DMD: variants seen among roughly 807,000 people sequenced by gnomAD.
DMD encodes the protein mutant dystrophin.
DMD carries 63 observed loss-of-function variants against 330.1 expected under a neutral mutation model. That is an observed-to-expected ratio of 0.19 (90% CI 0.16 to 0.24). The LOEUF is 0.24. Ranked by LOEUF, DMD falls within the 10% of genes least tolerant of loss-of-function variation. DMD has a pLI of 1.00. For missense variants in DMD, 3,344 were observed against 2,684.1 expected (o/e 1.25, Z -5.43); for synonymous variants, 1,223 against 959.8 (o/e 1.27, Z -5.07).
chrX:32,084,318 AC>A (rs1452634224), intron 44 of DMD, among the ~76,000 whole-genome samples: 1 of 110,781 alleles, frequency 9.0e-6, no homozygotes, highest in Non-Finnish European at 1.9e-5. Flanking sequence ...GGATGTGAAA[AC>A]CAAGATGTTT....
chrX:32,549,313 G>A lies in DMD; in HGVS notation c.1993-3979C>T, dbSNP rs1485336109. 4.5e-5 allele frequency among the ~76,000 whole-genome samples: 5 copies of A among 111,446 alleles called. No homozygotes were observed. In the South Asian group the frequency reaches 1.5e-3, roughly 33 times the overall value. ...GTAAGAGTAACACATTTCTTCACAG[G>A]TGTGTTACAAGCAAGGACAGCTTCA... On this transcript the variant is annotated intron_variant, in intron 16 of 78. Transcript: ENST00000357033.
chrX:31,889,376 C>A (rs188517658), intron 47 of DMD, among the ~76,000 whole-genome samples: 1 of 109,797 alleles, frequency 9.1e-6, no homozygotes, highest in African/African-American at 3.3e-5. Context: ...CTAAACCTAC[C>A]CTAAAGTTAG....
chrX:31,614,884 A>T (rs1569554867), intron 55 of DMD, among the ~76,000 whole-genome samples: 1 of 112,366 alleles, frequency 8.9e-6, no homozygotes, highest in East Asian at 2.8e-4. Flanking sequence ...AATACCATTA[A>T]TCTTTGACTA....
chrX:32,888,606 T>C (rs2084895109), intron 2 of DMD, among the ~76,000 whole-genome samples: 1 of 110,512 alleles, frequency 9.0e-6, no homozygotes, highest in Non-Finnish European at 1.9e-5. Flanking sequence ...AGGAAGTTCT[T>C]CAAAAAAAAA....
In DMD at chrX:32,849,839, C is replaced by T. The variant is rs755925498; in HGVS notation, c.94-19G>A. On this transcript the variant is annotated intron_variant, in intron 2 of 78. Transcript: ENST00000357033. ...TCCCAAACTGAAATTAAAAAAAATA[C>T]ACTCAATTTAACAAAGCACACTTCC... is the stretch of plus-strand genomic sequence containing the variant. 5.6e-6 allele frequency: 6 copies of T among 1,071,523 alleles called. No homozygotes were observed. The highest frequency in any genetic ancestry group is 7.8e-6 in the Non-Finnish European group (6 of 769,933). 88.3% of individuals were successfully genotyped at this position (1,071,523 alleles called of 1,213,427 possible).
chrX:32,517,961 A>G (rs1334459227), intron 18 of DMD, 47 bp downstream of exon 18: 1 of 1,185,545 alleles, frequency 8.4e-7, no homozygotes, highest in African/African-American at 1.7e-5. Flanking sequence ...CGGAGTTTAC[A>G]AGCAGCACAA....
At chrX:32,513,627 G>T (rs1457985281) in intron 18 of DMD, among the ~76,000 whole-genome samples, 1 of 111,584 alleles carries the variant, frequency 9.0e-6, no homozygotes, top group Admixed American at 9.5e-5. Context: ...AAAGGAAGGA[G>T]AAAGAATAAA....
intron 2 of DMD, among the ~76,000 whole-genome samples, chrX:32,986,063 C>T (rs1181875126): frequency 1.8e-5 from 2 of 111,755 alleles, no homozygotes; most frequent in Admixed American, 9.5e-5. Flanking sequence ...GCCTCACTTT[C>T]CCTCTCTGTA....
At chrX:32,842,503 CA>C (rs1254167500) in intron 4 of DMD, among the ~76,000 whole-genome samples, 1 of 109,572 alleles carries the variant, frequency 9.1e-6, no homozygotes, top group African/African-American at 3.4e-5. Context: ...CATGTGTGCC[CA>C]AAAAACCTCC....
At chrX:31,786,542 A>C (rs754966965) in intron 50 of DMD, among the ~76,000 whole-genome samples, 149 of 111,263 alleles carry the variant, frequency 1.3e-3, no homozygotes, top group African/African-American at 4.8e-3. Flanking sequence ...TCATTGCAAT[A>C]TTTGTGGGGT....
chrX:31,719,887 AG>A (rs1383342350), intron 52 of DMD, among the ~76,000 whole-genome samples: 3 of 111,714 alleles, frequency 2.7e-5, no homozygotes, highest in Admixed American at 9.5e-5. Flanking sequence ...TGAATCCTTC[AG>A]CCCCAGTCAA....
chrX:33,169,289 C>T (rs1002574723), intron 1 of DMD, among the ~76,000 whole-genome samples: 18 of 111,657 alleles, frequency 1.6e-4, no homozygotes, highest in Non-Finnish European at 2.3e-4. Context: ...CCTAGGGCTA[C>T]GAATTTATTG....
chrX:32,338,870 T>G (rs936941856), intron 41 of DMD, among the ~76,000 whole-genome samples: 1 of 111,909 alleles, frequency 8.9e-6, no homozygotes, highest in African/African-American at 3.2e-5. Flanking sequence ...CCTGTGTTTA[T>G]TCTGTGAATC....
chrX:33,235,912 TATTA>T lies in DMD; in HGVS notation c.7+103343_7+103346del, dbSNP rs746516480. Among the ~76,000 whole-genome samples, 437 of 99,376 alleles carry T rather than the reference TATTA, an allele frequency of 4.4e-3. 1 individual carries two copies. Among genetic ancestry groups the T allele is most frequent in the African/African-American group, 0.012 (320 of 26,139 alleles). 86.3% of individuals were successfully genotyped at this position (99,376 alleles called of 115,157 possible). A position where few individuals can be genotyped will look rare whatever the true frequency, so the allele number is the denominator to read the frequency against. ...GGCCAACTTATATTATTATTATTAT[TATTA>T]TTTTTTTTTTTTTTTATGAGACGGA... On this transcript the variant is annotated intron_variant, in intron 1 of 17. Transcript: ENST00000288447.
At chrX:32,868,406 G>A (rs1343108113) in intron 2 of DMD, among the ~76,000 whole-genome samples, 1 of 111,398 alleles carries the variant, frequency 9.0e-6, no homozygotes, top group Non-Finnish European at 1.9e-5. Context: ...TCCCGGGGAG[G>A]GGCGGCATCT....
At chrX:31,155,110 C>A (rs1280935033) in intron 74 of DMD, among the ~76,000 whole-genome samples, 4 of 112,481 alleles carry the variant, frequency 3.6e-5, no homozygotes, top group Non-Finnish European at 5.6e-5. Flanking sequence ...GGCTTGTTCC[C>A]TTAACTCAAC....
At chrX:33,038,134 G>T (rs900332002) in intron 1 of DMD, among the ~76,000 whole-genome samples, 9 of 111,854 alleles carry the variant, frequency 8.0e-5, no homozygotes, top group Non-Finnish European at 1.3e-4. Flanking sequence ...AATAAAGAGG[G>T]TATTTGAAAT....
intron 7 of DMD, among the ~76,000 whole-genome samples, chrX:32,754,370 C>A (rs1160038160): frequency 9.1e-6 from 1 of 110,104 alleles, no homozygotes; most frequent in East Asian, 2.9e-4. Flanking sequence ...AGATCTCAGA[C>A]TTTTACCACT....
chrX:32,615,473 A>G lies in DMD; in HGVS notation c.1332-1020T>C, dbSNP rs190168808. On this transcript the variant is annotated intron_variant, in intron 11 of 78. Transcript: ENST00000357033. ...ACATTATTGTTCATTCATTAATTCA[A>G]CCAAAATTTGAGATGCAAATGAGAA... Among the ~76,000 whole-genome samples, 29 of 111,764 alleles carry G rather than the reference A, an allele frequency of 2.6e-4. No individual in the cohort carries two copies. In the East Asian group the frequency reaches 5.6e-3, roughly 22 times the overall value.
Sources: gnomAD v4.1 joint callset for allele counts (sites outside exome capture counted in the v4.1 genomes callset) on GRCh38, gnomAD v4.1.1 for gene constraint, MANE v1.5 for transcripts, NCBI Gene and HGNC (gene_info 2026-07-23, HGNC 2026-07-21) for gene names.